Variants in PTPRT observed in about 807,000 individuals in gnomAD.
PTPRT encodes protein tyrosine phosphatase receptor type T.
Under a neutral mutation model 176.8 loss-of-function variants are expected in PTPRT, and 56 were observed. That is an observed-to-expected ratio of 0.32 (90% CI 0.26 to 0.40). The LOEUF (loss-of-function observed/expected upper bound fraction) is 0.40. Among genes scored for constraint, PTPRT ranks in the 10% least tolerant of loss-of-function variants. The probability of loss-of-function intolerance (pLI) is 1.00; values close to 1 mark genes in which losing one functional copy is unlikely to be tolerated. For synonymous variants in PTPRT, 783 were observed against 739.0 expected, an observed-to-expected ratio of 1.06 and a Z score of -0.96; for missense variants, 1,540 against 1,908.2, an observed-to-expected ratio of 0.81 and a Z score of 3.60.
chr20:42,857,943 A>C (rs6030528), intron 2 of PTPRT, among the ~76,000 whole-genome samples: 1,996 of 152,212 alleles, frequency 0.013, 45 homozygotes, highest in African/African-American at 0.045. Flanking sequence ...GTTTCTGTTT[A>C]TGTTTATCAT....
Position 42,448,229 on chromosome 20 carries a change from C to A in PTPRT, c.1551G>T (p.Thr517=). 1 of 1,610,034 alleles carries A rather than the reference C, an allele frequency of 6.2e-7. No homozygotes were observed. Reference sequence around the variant, plus strand: ...CAAGGGACCTCCTTACCTCGTAGAGCGTGATGACCCCATTGGTCTCATTGG... The same window carrying A: ...CAAGGGACCTCCTTACCTCGTAGAGAGTGATGACCCCATTGGTCTCATTGG... ...KPPNETNGVI[T]LYEINYKAVG... The change falls in exon 9 of 31, where the codon ACG becomes ACT. Residue 517 remains threonine (T), a synonymous_variant. Transcript: ENST00000373187.
chr20:42,927,341 C>A (rs1979553434), intron 1 of PTPRT, among the ~76,000 whole-genome samples: 1 of 152,174 alleles, frequency 6.6e-6, no homozygotes, highest in African/African-American at 2.4e-5. Flanking sequence ...GCGGGTGGAT[C>A]ACCTGAGGTC....
intron 1 of PTPRT, among the ~76,000 whole-genome samples, chr20:42,972,912 G>A (rs1248281314): frequency 2.0e-5 from 3 of 151,956 alleles, no homozygotes; most frequent in Non-Finnish European, 4.4e-5. Context: ...AATTTGACTG[G>A]TGTGACCCAG....
At chr20:42,911,757 G>A (rs1367780223) in intron 1 of PTPRT, among the ~76,000 whole-genome samples, 1 of 152,096 alleles carries the variant, frequency 6.6e-6, no homozygotes, top group African/African-American at 2.4e-5. Flanking sequence ...TTCATACTGT[G>A]ATCTATGGCT....
intron 1 of PTPRT, among the ~76,000 whole-genome samples, chr20:43,090,468 C>T: frequency 6.6e-6 from 1 of 152,172 alleles, no homozygotes; most frequent in Admixed American, 6.5e-5. Flanking sequence ...CAGGGTTTCA[C>T]CGTTTTAGCC....
intron 1 of PTPRT, among the ~76,000 whole-genome samples, chr20:43,065,635 C>G (rs1465115869): frequency 2.0e-5 from 3 of 152,162 alleles, no homozygotes; most frequent in African/African-American, 7.2e-5. Context: ...GCTACCTTAG[C>G]ACAATGAATC....
chr20:42,722,928 G>A (rs1014761158), intron 6 of PTPRT, among the ~76,000 whole-genome samples: 1 of 152,196 alleles, frequency 6.6e-6, no homozygotes, highest in Non-Finnish European at 1.5e-5. Context: ...ATCCTGGAAG[G>A]TGGTAAACAT....
At chr20:42,146,675 T>A (rs1600587668) in intron 17 of PTPRT, among the ~76,000 whole-genome samples, 1 of 152,192 alleles carries the variant, frequency 6.6e-6, no homozygotes, top group African/African-American at 2.4e-5. Flanking sequence ...TTGTTTTGGG[T>A]TTGTCCCCTC....
intron 7 of PTPRT, among the ~76,000 whole-genome samples, chr20:42,559,801 G>C (rs890821624): frequency 6.6e-6 from 1 of 152,200 alleles, no homozygotes; most frequent in African/African-American, 2.4e-5. Flanking sequence ...TCATTGCTTT[G>C]CACAGCAATT....
At chr20:42,381,051 C>T (rs534903136) in intron 9 of PTPRT, among the ~76,000 whole-genome samples, 15 of 152,020 alleles carry the variant, frequency 9.9e-5, no homozygotes, top group African/African-American at 1.7e-4. Flanking sequence ...CCAGATCTCA[C>T]GAGAACTCAC....
At chr20:43,148,395 T>A (rs1050582303) in intron 1 of PTPRT, among the ~76,000 whole-genome samples, 2 of 152,086 alleles carry the variant, frequency 1.3e-5, no homozygotes, top group Admixed American at 6.6e-5. Flanking sequence ...CCCCTCTTCT[T>A]CAGACTCCCC....
chr20:43,182,577 G>T (rs1483120707), intron 1 of PTPRT, among the ~76,000 whole-genome samples: 1 of 152,110 alleles, frequency 6.6e-6, no homozygotes, highest in African/African-American at 2.4e-5. Context: ...TTATAGTAGA[G>T]CTGGCATTTC....
chr20:42,040,511 C>T, the PTPRT span, among the ~76,000 whole-genome samples: 1 of 151,874 alleles, frequency 6.6e-6, no homozygotes, highest in Non-Finnish European at 1.5e-5. Flanking sequence ...TAAAGGTGCT[C>T]CTAGGAAGGC....
chr20:43,058,579 A>G (rs534371764), intron 1 of PTPRT, among the ~76,000 whole-genome samples: 119 of 152,306 alleles, frequency 7.8e-4, no homozygotes, highest in African/African-American at 2.8e-3. Context: ...TTGCTCAGAA[A>G]TGGTATTGTA....
chr20:42,054,650 A>T, the PTPRT span, among the ~76,000 whole-genome samples: 5 of 152,256 alleles, frequency 3.3e-5, no homozygotes, highest in South Asian at 4.1e-4. Flanking sequence ...AGGTTGGCCT[A>T]TTCCATCACC....
At chr20:42,708,549 A>G (rs1270357532) in intron 6 of PTPRT, among the ~76,000 whole-genome samples, 1 of 152,148 alleles carries the variant, frequency 6.6e-6, no homozygotes, top group African/African-American at 2.4e-5. Context: ...GACACCGTAT[A>G]CTTGGGGCTA....
intron 7 of PTPRT, among the ~76,000 whole-genome samples, chr20:42,528,678 T>G (rs2072322533): frequency 6.6e-6 from 1 of 152,136 alleles, no homozygotes; most frequent in Admixed American, 6.5e-5. Context: ...CTTACGACAA[T>G]TAAGGGCAAA....
intron 18 of PTPRT, among the ~76,000 whole-genome samples, chr20:42,131,134 A>C (rs2048305724): frequency 6.6e-6 from 1 of 152,194 alleles, no homozygotes; most frequent in Non-Finnish European, 1.5e-5. Flanking sequence ...AGTCTCAGGC[A>C]TCTCACAGGC....
chr20:42,517,227 G>C (rs963728213), intron 7 of PTPRT, among the ~76,000 whole-genome samples: 3 of 151,632 alleles, frequency 2.0e-5, no homozygotes, highest in African/African-American at 7.3e-5. Context: ...TTACAGGACT[G>C]CTCAGATTTT....
Sources: allele counts gnomAD v4.1 joint callset (sites outside exome capture counted in the v4.1 genomes callset), GRCh38; gene constraint gnomAD v4.1.1; transcripts MANE v1.5; gene names NCBI Gene and HGNC (gene_info 2026-07-23, HGNC 2026-07-21).